Variants in PCSK5 observed in about 807,000 individuals in gnomAD.
PCSK5 encodes prohormone convertase 5.
Under a neutral mutation model 233.2 loss-of-function variants are expected in PCSK5, and 129 were observed. That is an observed-to-expected ratio of 0.55 (90% CI 0.48 to 0.64). PCSK5 has a LOEUF of 0.64. PCSK5 is among the 30% of genes least tolerant of loss of function. The probability of loss-of-function intolerance (pLI) is 0.00; values close to 1 mark genes in which losing one functional copy is unlikely to be tolerated. For missense variants in PCSK5, 2,076 were observed against 2,430.1 expected, an observed-to-expected ratio of 0.85 and a Z score of 3.06; for synonymous variants, 825 against 879.2, an observed-to-expected ratio of 0.94 and a Z score of 1.09.
intron 32 of PCSK5, among the ~76,000 whole-genome samples, chr9:76,327,602 G>A (rs1004456697): frequency 6.6e-5 from 10 of 152,002 alleles, no homozygotes; most frequent in Admixed American, 1.3e-4. Flanking sequence ...TGCTGTATTC[G>A]TGATAAGCTC....
intron 2 of PCSK5, among the ~76,000 whole-genome samples, chr9:75,958,371 AG>A (rs1439687497): frequency 1.3e-5 from 2 of 152,176 alleles, no homozygotes; most frequent in Non-Finnish European, 2.9e-5. Flanking sequence ...TCAGGGGAGG[AG>A]AATGAAACGA....
chr9:75,932,423 G>C lies in PCSK5; in HGVS notation c.237G>C (p.Thr79=), dbSNP rs200413560. 6.2e-7 allele frequency: 1 copy of C among 1,613,426 alleles called. No homozygotes were observed. The highest frequency in any genetic ancestry group is 1.3e-5 in the African/African-American group (1 of 75,002). ...KDYYHFYHSR[T]IKRSVISSRG... Reference sequence around the variant, plus strand: ...ACTACCACTTCTACCATAGCAGGACGATTAAAAGGTCAGTTATCTCGAGCA... The same window carrying C: ...ACTACCACTTCTACCATAGCAGGACCATTAAAAGGTCAGTTATCTCGAGCA... The change falls in exon 2 of 38, where the codon ACG becomes ACC. Residue 79 remains threonine, a synonymous_variant. Coordinates refer to ENST00000674117, the MANE Select transcript of PCSK5 (RefSeq NM_001372043.1).
intron 35 of PCSK5, among the ~76,000 whole-genome samples, chr9:76,342,500 C>T (rs1829863881): frequency 6.6e-6 from 1 of 152,170 alleles, no homozygotes; most frequent in African/African-American, 2.4e-5. Flanking sequence ...TGGGAGAAGA[C>T]CATCAGCACG....
intron 27 of PCSK5, among the ~76,000 whole-genome samples, chr9:76,299,920 G>A (rs1305001605): frequency 6.6e-6 from 1 of 152,156 alleles, no homozygotes; most frequent in Non-Finnish European, 1.5e-5. Context: ...GTGCTGGAGA[G>A]TCCTAGGAGT....
At position 76,220,391 on chromosome 9, in the gene PCSK5, G is replaced by C. The variant is rs944818675; in HGVS notation, c.2627-7112G>C. ...AAAATACAAAAATCAGCTGGGCGTG[G>C]TGGTGGGCGCCTGTAGTCCCAGCTA... On this transcript the variant is annotated intron_variant, in intron 20 of 37. Transcript: ENST00000674117. Among the ~76,000 whole-genome samples the C allele has an allele frequency of 3.9e-5, 6 of 152,118 alleles. No homozygotes were observed. The South Asian group carries it at 1.2e-3, about 32-fold the overall frequency.
At position 76,328,148 on chromosome 9, in the gene PCSK5, C is replaced by T. The variant is rs768293511; in HGVS notation, c.4479C>T (p.Pro1493=). 3.3e-5 allele frequency: 54 copies of T among 1,612,670 alleles called. No homozygotes were observed. Among genetic ancestry groups the T allele is most frequent in the South Asian group, 6.6e-5 (6 of 91,068 alleles). The change falls in exon 33 of 38, where the codon CCC becomes CCT. Residue 1493 remains proline (P), a synonymous_variant. Coordinates refer to ENST00000674117, the MANE Select transcript of PCSK5 (RefSeq NM_001372043.1). ...CCGAGTACTGGGATGAGGATGCTCC[C>T]GGGTGCAAGCCCTGCCATGTTAAGT... The part of the protein sequence containing the change: ...SPSEYWDEDA[P]GCKPCHVKCF...
intron 3 of PCSK5, among the ~76,000 whole-genome samples, chr9:76,004,268 G>A (rs926060348): frequency 6.6e-6 from 1 of 151,508 alleles, no homozygotes; most frequent in African/African-American, 2.4e-5. Flanking sequence ...TTTTTTTTCA[G>A]GAGTAGATGA....
intron 2 of PCSK5, among the ~76,000 whole-genome samples, chr9:75,960,479 A>T (rs1382029774): frequency 6.6e-6 from 1 of 152,188 alleles, no homozygotes; most frequent in Admixed American, 6.5e-5. Context: ...GAAAAAAACT[A>T]ATTTTAATAT....
chr9:76,182,439 C>T (rs1823913711), intron 16 of PCSK5, among the ~76,000 whole-genome samples: 1 of 151,702 alleles, frequency 6.6e-6, no homozygotes, highest in Admixed American at 6.6e-5. Flanking sequence ...CCAGGAAAGG[C>T]AAAATGGAAA....
At chr9:75,971,955 T>C (rs1825830358) in intron 2 of PCSK5, among the ~76,000 whole-genome samples, 1 of 152,188 alleles carries the variant, frequency 6.6e-6, no homozygotes, top group Non-Finnish European at 1.5e-5. Flanking sequence ...AATTTTTGCT[T>C]TTGTTGTGAT....
At chr9:76,283,946 C>T (rs998168718) in intron 24 of PCSK5, among the ~76,000 whole-genome samples, 1 of 152,178 alleles carries the variant, frequency 6.6e-6, no homozygotes, top group Non-Finnish European at 1.5e-5. Context: ...TCCTTATGTA[C>T]ATGCGAGTCA....
At chr9:76,017,576 CA>C (rs1828000514) in intron 3 of PCSK5, among the ~76,000 whole-genome samples, 1 of 152,130 alleles carries the variant, frequency 6.6e-6, no homozygotes, top group South Asian at 2.1e-4. Flanking sequence ...AGGTAGAATT[CA>C]AATTCTCCTC....
intron 9 of PCSK5, among the ~76,000 whole-genome samples, chr9:76,122,827 C>CTT (rs71372050): frequency 3.1e-5 from 4 of 127,070 alleles, no homozygotes; most frequent in Admixed American, 8.0e-5. Context: ...TTTTTTTTTT[C>CTT]TTTTTTTTTT....
chr9:76,335,464 A>G (rs1266510401), intron 34 of PCSK5, among the ~76,000 whole-genome samples: 1 of 152,200 alleles, frequency 6.6e-6, no homozygotes, highest in East Asian at 1.9e-4. Flanking sequence ...GTAGGCATAC[A>G]CTTCTCTGCA....
At chr9:76,166,461 A>G (rs1033973877) in intron 12 of PCSK5, among the ~76,000 whole-genome samples, 2 of 152,212 alleles carry the variant, frequency 1.3e-5, no homozygotes, top group Non-Finnish European at 1.5e-5. Context: ...AAAGGTGGAC[A>G]GGAAAGGGTG....
intron 3 of PCSK5, among the ~76,000 whole-genome samples, chr9:75,995,474 A>G (rs1202134960): frequency 6.6e-6 from 1 of 152,200 alleles, no homozygotes; most frequent in Admixed American, 6.5e-5. Context: ...TAAAAGAAGA[A>G]ATAAGTGTTT....
At chr9:76,320,052 G>A (rs1240044964) in intron 30 of PCSK5, among the ~76,000 whole-genome samples, 2 of 152,014 alleles carry the variant, frequency 1.3e-5, no homozygotes, top group African/African-American at 2.4e-5. Context: ...ATAAATATCG[G>A]CGTGCCCAGC....
At chr9:76,252,928 A>T (rs774155006) in intron 24 of PCSK5, among the ~76,000 whole-genome samples, 4 of 152,210 alleles carry the variant, frequency 2.6e-5, no homozygotes, top group Non-Finnish European at 2.9e-5. Flanking sequence ...ACTGCTATTT[A>T]TTTCACTTTT....
intron 5 of PCSK5, among the ~76,000 whole-genome samples, chr9:76,063,330 T>TC (rs1375561803): frequency 5.1e-5 from 7 of 136,178 alleles, no homozygotes; most frequent in African/African-American, 1.9e-4. Flanking sequence ...TTTTTTTTTT[T>TC]TTTTTTTTTT....
Sources: allele counts gnomAD v4.1 joint callset (sites outside exome capture counted in the v4.1 genomes callset), GRCh38; gene constraint gnomAD v4.1.1; transcripts MANE v1.5; gene names NCBI Gene and HGNC (gene_info 2026-07-23, HGNC 2026-07-21).